Variants in ZFX observed in about 807,000 individuals in gnomAD.
ZFX encodes zinc finger protein X-linked, also known as zinc finger X-chromosomal protein.
For missense variants in ZFX, 362 were observed against 628.3 expected, an observed-to-expected ratio of 0.58 and a Z score of 4.53; for synonymous variants, 196 against 226.8, an observed-to-expected ratio of 0.86 and a Z score of 1.22.
chrX:24,163,535 G>A (rs1419215553), intron 3 of ZFX, among the ~76,000 whole-genome samples: 1 of 104,713 alleles, frequency 9.5e-6, no homozygotes, highest in East Asian at 3.0e-4. Context: ...GAGCAACCAC[G>A]CCCAGCTAAG....
chrX:24,177,666 G>A (rs1935272229), intron 4 of ZFX: 1 of 746,721 alleles, frequency 1.3e-6, no homozygotes, highest in African/African-American at 2.3e-5. Context: ...TTTATCCTTT[G>A]ATCCTTGTAT....
In ZFX at chrX:24,210,215, A is replaced by G. The variant is rs755229158; in HGVS notation, c.1257A>G (p.Gly419=). Residue 419 remains glycine (G), a synonymous_variant, in exon 10 of 10, where the codon GGA becomes GGG. Transcript: ENST00000304543. ...YQTAIIIGPD[G]HPLTVYPCMI... ...TAGCAATAATTATTGGCCCTGATGG[A>G]CATCCTTTGACTGTCTATCCTTGCA... 11 of 1,211,739 alleles carry G rather than the reference A, an allele frequency of 9.1e-6. No homozygotes were observed. In the South Asian group the frequency reaches 1.9e-4, roughly 21 times the overall value.
At chrX:24,161,530 C>G (rs1312818270) in intron 3 of ZFX, among the ~76,000 whole-genome samples, 2 of 111,197 alleles carry the variant, frequency 1.8e-5, no homozygotes, top group African/African-American at 6.5e-5. Context: ...GGGCGCAAAG[C>G]CAGATTGACC....
At chrX:24,207,089 C>T (rs745833008) in intron 5 of ZFX, 8 of 285,560 alleles carry the variant, frequency 2.8e-5, no homozygotes, top group East Asian at 7.6e-5. Flanking sequence ...AAAAATTAGC[C>T]GGGCGTGGTG....
chrX:24,183,558 C>T (rs1425659458), intron 5 of ZFX, among the ~76,000 whole-genome samples: 1 of 111,113 alleles, frequency 9.0e-6, no homozygotes, highest in African/African-American at 3.3e-5. Context: ...GCTCCAGAAT[C>T]CAGAACTTTC....
In ZFX at chrX:24,179,576, G is replaced by GACATGTTGA; in HGVS notation, c.459_467dup (p.Glu154_Val156dup). The GACATGTTGA allele has an allele frequency of 2.5e-6, 3 of 1,211,863 alleles. No homozygotes were observed. Among genetic ancestry groups the GACATGTTGA allele is most frequent in the Non-Finnish European group, 3.4e-6 (3 of 895,491 alleles). On this transcript the variant is annotated inframe_insertion, in exon 5 of 10. Transcript: ENST00000304543. ...GACGTTGGACATGTTGGACATGTTG[G>GACATGTTGA]ACATGTTGAACATGTGGTTCATGAT... is the stretch of plus-strand genomic sequence containing the variant.
chrX:24,159,632 C>T (rs1364406331), intron 3 of ZFX, among the ~76,000 whole-genome samples: 1 of 109,391 alleles, frequency 9.1e-6, no homozygotes, highest in Non-Finnish European at 1.9e-5. Flanking sequence ...CGCCACCATG[C>T]CTGGCTAATT....
At chrX:24,167,427 G>C (rs933847820) in intron 3 of ZFX, among the ~76,000 whole-genome samples, 10 of 111,538 alleles carry the variant, frequency 9.0e-5, no homozygotes, top group African/African-American at 2.9e-4. Context: ...AGACAACCAG[G>C]AAGAACCATG....
chrX:24,155,081 A>T (rs1301695531), intron 3 of ZFX, among the ~76,000 whole-genome samples: 1 of 111,183 alleles, frequency 9.0e-6, no homozygotes, highest in Non-Finnish European at 1.9e-5. Context: ...CCCGTGACAG[A>T]AGTTTACCCA....
intron 4 of ZFX, 159 bp downstream of exon 4, chrX:24,172,959 C>A: frequency 2.3e-6 from 1 of 431,245 alleles, no homozygotes; most frequent in Non-Finnish European, 3.6e-6. Flanking sequence ...TTACCCTCCT[C>A]AAAGATGTGG....
chrX:24,170,124 C>G (rs1286976008), intron 3 of ZFX, among the ~76,000 whole-genome samples: 1 of 107,743 alleles, frequency 9.3e-6, no homozygotes, highest in African/African-American at 3.4e-5. Context: ...AATTGGCTTG[C>G]TTTAATGTCA....
intron 3 of ZFX, among the ~76,000 whole-genome samples, chrX:24,170,263 C>G (rs151158595): frequency 0.031 from 3,327 of 106,899 alleles, 143 homozygotes; most frequent in African/African-American, 0.11. Context: ...TCAAGTAGTT[C>G]TCCCTGCCTC....
chrX:24,206,481 C>G (rs183736233), intron 5 of ZFX, among the ~76,000 whole-genome samples: 1 of 103,863 alleles, frequency 9.6e-6, no homozygotes, highest in African/African-American at 3.6e-5. Flanking sequence ...GGACTACAGG[C>G]GCATGCCACC....
intron 3 of ZFX, among the ~76,000 whole-genome samples, chrX:24,158,871 T>C (rs1446363235): frequency 9.2e-6 from 1 of 109,261 alleles, no homozygotes; most frequent in African/African-American, 3.3e-5. Context: ...CTGGATGATA[T>C]TTTTTAGTTG....
intron 5 of ZFX, among the ~76,000 whole-genome samples, chrX:24,188,177 C>CA (rs765149805): frequency 0.061 from 5,604 of 91,429 alleles, 191 homozygotes; most frequent in African/African-American, 0.12. Context: ...GAGACTGTCT[C>CA]AAAAAAAAAA....
chrX:24,167,868 C>CT (rs1934154755), intron 3 of ZFX, among the ~76,000 whole-genome samples: 1 of 111,949 alleles, frequency 8.9e-6, no homozygotes, highest in South Asian at 3.7e-4. Flanking sequence ...TCAAGAAGGG[C>CT]TTAAGTCTTT....
intron 9 of ZFX, among the ~76,000 whole-genome samples, chrX:24,209,526 A>C (rs1937896770): frequency 8.9e-6 from 1 of 112,019 alleles, no homozygotes; most frequent in African/African-American, 3.2e-5. Flanking sequence ...AAACAGTGGA[A>C]ATTTTTGTCA....
rs780444148 is a variant in ZFX at position 24,179,543 on chromosome X, A to T, written c.419A>T (p.His140Leu). 12 of 1,210,763 alleles carry T rather than the reference A, an allele frequency of 9.9e-6. No individual in the cohort carries two copies. The highest frequency in any genetic ancestry group is 1.1e-6 in the Non-Finnish European group (1 of 895,468). ...PEHVLTGDSI[H>L]VSDVGHVGHV... ...CACGTCTTGACGGGTGATTCTATAC[A>T]TGTGTCTGACGTTGGACATGTTGGA... is the stretch of plus-strand genomic sequence containing the variant. The change falls in exon 5 of 10, where the codon CAT becomes CTT. Residue 140 changes from histidine to leucine, a missense_variant. Coordinates refer to ENST00000304543, the MANE Select transcript of ZFX (RefSeq NM_003410.4).
intron 3 of ZFX, among the ~76,000 whole-genome samples, chrX:24,159,897 G>A (rs1431040176): frequency 8.9e-6 from 1 of 111,903 alleles, no homozygotes; most frequent in Non-Finnish European, 1.9e-5. Context: ...ATGATGATAA[G>A]TCTTGTTTTA....
Sources: gnomAD v4.1 joint callset for allele counts (sites outside exome capture counted in the v4.1 genomes callset) on GRCh38, gnomAD v4.1.1 for gene constraint, MANE v1.5 for transcripts, NCBI Gene and HGNC (gene_info 2026-07-23, HGNC 2026-07-21) for gene names.